The following RBM39 variants were observed in gnomAD, a reference collection of about 807,000 sequenced individuals.
RBM39 encodes RNA-binding protein 39.
Under a neutral mutation model 79.6 loss-of-function variants are expected in RBM39, and 12 were observed. The observed-to-expected ratio is 0.15, with a 90% CI of 0.10 to 0.24. The LOEUF is 0.24. Among genes scored for constraint, RBM39 ranks in the 10% least tolerant of loss-of-function variants. RBM39 has a pLI of 1.00. For missense variants in RBM39, 243 were observed against 653.4 expected, an observed-to-expected ratio of 0.37 and a Z score of 6.85; for synonymous variants, 185 against 208.4, an observed-to-expected ratio of 0.89 and a Z score of 0.97.
At chr20:35,723,976 G>C (rs985373715) in intron 8 of RBM39, among the ~76,000 whole-genome samples, 1 of 152,172 alleles carries the variant, frequency 6.6e-6, no homozygotes, top group Non-Finnish European at 1.5e-5. Context: ...AGCAGGTCAA[G>C]GCTACAGTGA....
At chr20:35,722,428 A>G (rs1446251711) in intron 8 of RBM39, among the ~76,000 whole-genome samples, 6 of 114,926 alleles carry the variant, frequency 5.2e-5, no homozygotes. Context: ...AAATAAAAAA[A>G]AAAATAAAAA....
At chr20:35,717,401 A>G (rs780504514) in intron 9 of RBM39, among the ~76,000 whole-genome samples, 6 of 152,298 alleles carry the variant, frequency 3.9e-5, no homozygotes, top group South Asian at 2.1e-4. Context: ...ATTAATTTTT[A>G]TATCAATACT....
chr20:35,733,964 T>C (rs957193449), intron 3 of RBM39, among the ~76,000 whole-genome samples: 11 of 152,234 alleles, frequency 7.2e-5, no homozygotes, highest in Non-Finnish European at 1.3e-4. Flanking sequence ...TCAATATAAA[T>C]TGAAAGACAT....
intron 14 of RBM39, among the ~76,000 whole-genome samples, chr20:35,705,970 G>A (rs2035679490): frequency 1.3e-5 from 2 of 151,948 alleles, no homozygotes; most frequent in African/African-American, 4.8e-5. Context: ...GGGAAGCTGA[G>A]GCGGGCACAT....
chr20:35,730,206 G>A (rs1006756902), intron 4 of RBM39, among the ~76,000 whole-genome samples: 1 of 152,170 alleles, frequency 6.6e-6, no homozygotes, highest in African/African-American at 2.4e-5. Flanking sequence ...GTGAGGACTT[G>A]TCAGGACTAA....
chr20:35,724,798 A>G, intron 7 of RBM39, 76 bp from the exon 8 acceptor site: 1 of 1,485,064 alleles, frequency 6.7e-7, no homozygotes. Flanking sequence ...ACACTGTTGA[A>G]GGATGAAGGT....
chr20:35,705,291 A>G lies in RBM39; in HGVS notation c.1347T>C (p.Asp449=). The G allele has an allele frequency of 1.3e-6, 2 of 1,588,216 alleles. No individual in the cohort carries two copies. The highest frequency in any genetic ancestry group is 1.7e-6 in the Non-Finnish European group (2 of 1,172,524). Residue 449 remains aspartate, a synonymous_variant, in exon 15 of 17, where the codon GAT becomes GAC. Coordinates refer to ENST00000253363, the MANE Select transcript of RBM39 (RefSeq NM_184234.3). ...EVGWDTEIKD[D]VIEECNKHGG... ...CATGTTTATTACATTCTTCAATCAC[A>G]TCATCCTTAATCTCGGTATCCCATC...
intron 3 of RBM39, chr20:35,734,830 C>T: frequency 7.1e-7 from 1 of 1,407,294 alleles, no homozygotes; most frequent in Non-Finnish European, 9.3e-7. Context: ...CTTCAAAGAG[C>T]ATTTATTACA....
At chr20:35,707,431 T>C in intron 13 of RBM39, 1 of 321,684 alleles carries the variant, frequency 3.1e-6, no homozygotes, top group Non-Finnish European at 5.7e-6. Context: ...TTGGGAGTCC[T>C]ATTTTAACAG....
At chr20:35,736,445 G>A (rs891140233) in intron 3 of RBM39, 3 of 300,360 alleles carry the variant, frequency 1.0e-5, no homozygotes, top group Admixed American at 4.2e-5. Context: ...AAAAAAAATA[G>A]TGGCTTAACA....
Position 35,742,004 on chromosome 20 carries a change from G to C in RBM39, c.-77C>G. The C allele has an allele frequency of 3.9e-6, 1 of 256,448 alleles. No individual in the cohort carries two copies. Among genetic ancestry groups the C allele is most frequent in the Non-Finnish European group, 7.8e-6 (1 of 128,144 alleles). The allele number at this position is 256,448 out of a possible 1,614,324, so 15.9% of individuals were successfully genotyped here. A position where few individuals can be genotyped will look rare whatever the true frequency, so the allele number is the denominator to read the frequency against. On this transcript the variant is annotated 5_prime_UTR_variant, in exon 1 of 17. Coordinates refer to ENST00000253363, the MANE Select transcript of RBM39 (RefSeq NM_184234.3). ...GGAAGAGATTGCTGCTGCTGCTGCTGCTGCTGCCGCCGCCGCCGCTTCTGT... is the reference window on the plus strand; with the variant it reads ...GGAAGAGATTGCTGCTGCTGCTGCTCCTGCTGCCGCCGCCGCCGCTTCTGT...
chr20:35,729,621 G>A, intron 4 of RBM39, 94 bp from the exon 5 acceptor site: 1 of 1,128,842 alleles, frequency 8.9e-7, no homozygotes, highest in Non-Finnish European at 1.3e-6. Context: ...CATTGTTTAG[G>A]CTACTGCTTT....
intron 13 of RBM39, 59 bp from the exon 14 acceptor site, chr20:35,707,260 A>C: frequency 7.9e-7 from 1 of 1,264,244 alleles, no homozygotes; most frequent in Non-Finnish European, 1.1e-6. Context: ...ATCCCTCATA[A>C]ATACTTTAAA....
chr20:35,717,017 C>T (rs2037218498), intron 9 of RBM39, among the ~76,000 whole-genome samples: 4 of 151,612 alleles, frequency 2.6e-5, no homozygotes, highest in African/African-American at 7.3e-5. Flanking sequence ...TGGTGGTCGG[C>T]GCCTGTAATC....
chr20:35,713,363 T>A, intron 11 of RBM39: 1 of 289,860 alleles, frequency 3.4e-6, no homozygotes, highest in Non-Finnish European at 6.6e-6. Flanking sequence ...CAGGCTCTTG[T>A]TGCACAGGCT....
Position 35,724,558 on chromosome 20 carries a change from C to CA in RBM39, c.687+11dup. On this transcript the variant is annotated intron_variant, in intron 8 of 16. Coordinates refer to ENST00000253363, the MANE Select transcript of RBM39 (RefSeq NM_184234.3). The stretch of plus-strand genomic sequence containing the variant: ...CACCAATAATCAAACTCTTAACCAA[C>CA]AAAAAAATTACCTGTGATGCCTGTA... The CA allele has an allele frequency of 1.2e-6, 2 of 1,612,756 alleles. No individual in the cohort carries two copies. The highest frequency in any genetic ancestry group is 1.1e-5 in the South Asian group (1 of 90,902).
At chr20:35,730,938 G>T (rs1569057852) in intron 4 of RBM39, among the ~76,000 whole-genome samples, 1 of 152,088 alleles carries the variant, frequency 6.6e-6, no homozygotes, top group Non-Finnish European at 1.5e-5. Context: ...GCCAGAATCG[G>T]AATTCATGTA....
chr20:35,733,629 GAACT>G (rs1229770396), intron 3 of RBM39, among the ~76,000 whole-genome samples: 2 of 151,828 alleles, frequency 1.3e-5, no homozygotes, highest in African/African-American at 2.4e-5. Flanking sequence ...AAAAGAAAAA[GAACT>G]AACGCATTAA....
intron 13 of RBM39, chr20:35,708,111 T>C (rs993441058): frequency 1.2e-5 from 3 of 240,984 alleles, no homozygotes; most frequent in Non-Finnish European, 2.6e-5. Context: ...AAATGATAAC[T>C]TTCTGGTAGC....
Sources: gnomAD v4.1 joint callset for allele counts (sites outside exome capture counted in the v4.1 genomes callset) on GRCh38, gnomAD v4.1.1 for gene constraint, MANE v1.5 for transcripts, NCBI Gene and HGNC (gene_info 2026-07-23, HGNC 2026-07-21) for gene names.